The following TNXB variants were observed in gnomAD, a reference collection of about 807,000 sequenced individuals.
The protein encoded by TNXB is tenascin XB, also known as tenascin-X.
A neutral mutation model predicts 340.5 loss-of-function variants in TNXB; 183 were observed. The ratio of observed to expected loss-of-function variants is 0.54; its 90% CI spans 0.48 to 0.61. TNXB has a LOEUF of 0.61. TNXB is among the 20% of genes least tolerant of loss of function. The pLI is 0.00. For synonymous variants in TNXB, 2,121 were observed against 2,314.5 expected (o/e 0.92, Z 2.40); for missense variants, 4,613 against 5,446.4 (o/e 0.85, Z 4.82).
Position 32,047,150 on chromosome 6 carries a change from G to A in TNXB, c.10324+584C>T, listed in dbSNP as rs917622724. Among the ~76,000 whole-genome samples, 2 of 152,216 alleles carry A rather than the reference G, an allele frequency of 1.3e-5. No homozygotes were observed. Among genetic ancestry groups the A allele is most frequent in the African/African-American group, 2.4e-5 (1 of 41,454 alleles). On this transcript the variant is annotated intron_variant, in intron 30 of 43. Coordinates refer to ENST00000644971, the MANE Select transcript of TNXB (RefSeq NM_001365276.2). This position sits in a 1 kb window ranked among gnomAD's most constrained non-coding sequence, Gnocchi z 6.2. ...AGTGAGGGTTTGGGAAGAGAATTAC[G>A]GAGTCCCAGGGACCCAGGCCCAGAC...
intron 24 of TNXB, among the ~76,000 whole-genome samples, chr6:32,055,045 T>C (rs1337819643): frequency 1.3e-5 from 2 of 152,252 alleles, no homozygotes; most frequent in Non-Finnish European, 2.9e-5. Context: ...ATCTGAGTGA[T>C]AGCTGCTTCT....
chr6:32,080,467 C>T lies in TNXB; in HGVS notation c.4042+901G>A, dbSNP rs936994935. On this transcript the variant is annotated intron_variant, in intron 10 of 43. Transcript: ENST00000644971. This position sits in a 1 kb window ranked among gnomAD's most constrained non-coding sequence, Gnocchi z 4.3. ...CCTCGTGATCCACCCGCCTTGGCCT[C>T]CCAAAATGCTGGGATTACAGGCATG... Among the ~76,000 whole-genome samples, 1 of 152,220 alleles carries T rather than the reference C, an allele frequency of 6.6e-6. No homozygotes were observed. Among genetic ancestry groups the T allele is most frequent in the Non-Finnish European group, 1.5e-5 (1 of 68,044 alleles).
At chr6:32,100,882 C>T (rs1780683432) in intron 1 of TNXB, among the ~76,000 whole-genome samples, 1 of 151,664 alleles carries the variant, frequency 6.6e-6, no homozygotes, top group African/African-American at 2.4e-5. Flanking sequence ...GAGTTCAAGA[C>T]CAGCCTGGCC....
At position 32,073,011 on chromosome 6, in the gene TNXB, C is replaced by A. The variant is rs2151920203; in HGVS notation, c.4681+636G>T. ...TAAATATAATGTTTCCTTTGTAATC[C>A]TATACAGCTTATTTTACAGATTTAA... is the stretch of plus-strand genomic sequence containing the variant. On this transcript the variant is annotated intron_variant, in intron 12 of 43. Coordinates refer to ENST00000644971, the MANE Select transcript of TNXB (RefSeq NM_001365276.2). This position sits in a 1 kb window ranked among gnomAD's most constrained non-coding sequence, Gnocchi z 4.6. Among the ~76,000 whole-genome samples, 1 of 152,248 alleles carries A rather than the reference C, an allele frequency of 6.6e-6. No individual in the cohort carries two copies. The highest frequency in any genetic ancestry group is 2.1e-4 in the South Asian group (1 of 4,822).
intron 11 of TNXB, among the ~76,000 whole-genome samples, chr6:32,077,028 A>G (rs1196565598): frequency 6.6e-6 from 1 of 152,212 alleles, no homozygotes; most frequent in Non-Finnish European, 1.5e-5. Context: ...ACAGCTGAGA[A>G]CAGAGGAAGA....
Position 32,069,242 on chromosome 6 carries a change from G to T in TNXB, c.5588-106C>A. 2 of 1,161,420 alleles carry T rather than the reference G, an allele frequency of 1.7e-6. No individual in the cohort carries two copies. The highest frequency in any genetic ancestry group is 1.6e-5 in the South Asian group (1 of 63,688). The allele number at this position is 1,161,420 out of a possible 1,614,324, so 71.9% of individuals were successfully genotyped here. A position where few individuals can be genotyped will look rare whatever the true frequency, so the allele number is the denominator to read the frequency against. On this transcript the variant is annotated intron_variant, in intron 15 of 43. Coordinates refer to ENST00000644971, the MANE Select transcript of TNXB (RefSeq NM_001365276.2). The surrounding 1 kb of genome is among the most constrained non-coding windows in gnomAD (Gnocchi z 6.2). ...GAGTGAGGGCAAGCAGTCAGCAATC[G>T]AAAGACCAGCTTTTGCTGCACATGG... is the stretch of plus-strand genomic sequence containing the variant.
intron 6 of TNXB, 87 bp from the exon 7 acceptor site, chr6:32,086,205 C>A: frequency 7.2e-7 from 1 of 1,390,132 alleles, no homozygotes; most frequent in Non-Finnish European, 9.5e-7. Context: ...GCCCTCCAGC[C>A]TCTAAGAGCC....
chr6:32,093,431 G>C, intron 4 of TNXB: 1 of 701,042 alleles, frequency 1.4e-6, no homozygotes, highest in Admixed American at 2.0e-5. Flanking sequence ...AGAGTGAGGA[G>C]AGGCAGAACA....
rs1211347010 is a variant in TNXB at position 32,090,581 on chromosome 6, A to C, written c.2359-1202T>G. Among the ~76,000 whole-genome samples, 3 of 152,234 alleles carry C rather than the reference A, an allele frequency of 2.0e-5. No homozygotes were observed. Among genetic ancestry groups the C allele is most frequent in the African/African-American group, 7.2e-5 (3 of 41,462 alleles). ...GGAAATTTCAAAAGGTACTCTCCTA[A>C]ACCAAGAGAACTGTGGGGAAATCAA... On this transcript the variant is annotated intron_variant, in intron 4 of 43. Coordinates refer to ENST00000644971, the MANE Select transcript of TNXB (RefSeq NM_001365276.2). The surrounding 1 kb of genome is among the most constrained non-coding windows in gnomAD (Gnocchi z 4.3).
In TNXB at chr6:32,085,967, G is replaced by A; in HGVS notation, c.2931C>T (p.Leu977=). The change falls in exon 7 of 44, where the codon CTC becomes CTT. Residue 977 remains leucine, a synonymous_variant. Transcript: ENST00000644971. The surrounding 1 kb of genome is among the most constrained non-coding windows in gnomAD (Gnocchi z 6.4). ...RVLGRDETGR[L]RVVWTAQPDT... ...CAGGCTGGGCGGTCCAGACCACACGGAGGCGCCCTGTCTCATCTCTGCCCA... is the reference window on the plus strand; with the variant it reads ...CAGGCTGGGCGGTCCAGACCACACGAAGGCGCCCTGTCTCATCTCTGCCCA... The A allele has an allele frequency of 6.2e-7, 1 of 1,608,184 alleles. No homozygotes were observed. Among genetic ancestry groups the A allele is most frequent in the South Asian group, 1.1e-5 (1 of 90,150 alleles).
chr6:32,102,243 T>C (rs1780754414), intron 1 of TNXB, among the ~76,000 whole-genome samples: 1 of 152,320 alleles, frequency 6.6e-6, no homozygotes, highest in East Asian at 1.9e-4. Context: ...TTTGGTAGTA[T>C]CTGCTAAAAC....
At chr6:32,093,155 G>A (rs943483571) in intron 4 of TNXB, 1 of 466,164 alleles carries the variant, frequency 2.1e-6, no homozygotes, top group South Asian at 4.5e-5. Flanking sequence ...CTTCCTTTTC[G>A]AAGTCCCACC....
chr6:32,089,647 C>T lies in TNXB; in HGVS notation c.2359-268G>A, dbSNP rs751295312. Among the ~76,000 whole-genome samples, 4 of 152,192 alleles carry T rather than the reference C, an allele frequency of 2.6e-5. No homozygotes were observed. Among genetic ancestry groups the T allele is most frequent in the Admixed American group, 6.5e-5 (1 of 15,290 alleles). On this transcript the variant is annotated intron_variant, in intron 4 of 43. Transcript: ENST00000644971. The surrounding 1 kb of genome is among the most constrained non-coding windows in gnomAD (Gnocchi z 6.2). ...TAGTCCCATTTTACAGATAAGGAAA[C>T]TGAGACACAGAAGGACAAGTATCTT...
chr6:32,087,196 A>G lies in TNXB; in HGVS notation c.2780-1078T>C, dbSNP rs187015845. The G allele has an allele frequency of 2.2e-3, 1,036 of 471,130 alleles. 3 individuals are homozygous for G. Among genetic ancestry groups the G allele is most frequent in the Non-Finnish European group, 4.0e-3 (933 of 236,090 alleles). 29.2% of individuals were successfully genotyped at this position (471,130 alleles called of 1,614,324 possible). A position where few individuals can be genotyped will look rare whatever the true frequency, so the allele number is the denominator to read the frequency against. On this transcript the variant is annotated intron_variant, in intron 6 of 43. Coordinates refer to ENST00000644971, the MANE Select transcript of TNXB (RefSeq NM_001365276.2). The surrounding 1 kb of genome is among the most constrained non-coding windows in gnomAD (Gnocchi z 9.0). Reference sequence around the variant, plus strand: ...GAGGAATTCATGAATGCAGGCTCCAACGGCAGGTGAGGCTGGACAAGGGAT... The same window carrying G: ...GAGGAATTCATGAATGCAGGCTCCAGCGGCAGGTGAGGCTGGACAAGGGAT...
intron 21 of TNXB, among the ~76,000 whole-genome samples, chr6:32,060,839 A>T (rs1351819235): frequency 2.6e-5 from 4 of 151,976 alleles, no homozygotes; most frequent in Admixed American, 2.0e-4. Flanking sequence ...GGGTTTCACC[A>T]TGTTGGCTAG....
chr6:32,089,351 G>A lies in TNXB; in HGVS notation c.2387C>T (p.Ala796Val), dbSNP rs1424442086. 3.1e-6 allele frequency: 5 copies of A among 1,608,154 alleles called. No individual in the cohort carries two copies. The highest frequency in any genetic ancestry group is 1.1e-5 in the South Asian group (1 of 89,728). Residue 796 changes from alanine (A) to valine (V), a missense_variant, in exon 5 of 44, where the codon GCA becomes GTA. Physicochemically the swap from Ala to Val is moderately conservative, Grantham distance 64 (BLOSUM62 0). Coordinates refer to ENST00000644971, the MANE Select transcript of TNXB (RefSeq NM_001365276.2). The surrounding 1 kb of genome is among the most constrained non-coding windows in gnomAD (Gnocchi z 6.2). ...TTEGASPPFTARVPSSASAYD... is the reference protein window; with the variant it reads ...TTEGASPPFTVRVPSSASAYD... ...GGCTGAGGCAGAGCTTGGAACCCGT[G>A]CTGTGAATGGGGGGCTCGCCCCCTC...
At position 32,069,012 on chromosome 6, in the gene TNXB, A is replaced by C; in HGVS notation, c.5712T>G (p.Thr1904=). ...SHTLHLSWMV[T]EGEFDSFEIQ... ...TTTCGAAGGAGTCAAATTCTCCCTC[A>C]GTCACCATCCAGGAGAGATGCAGGG... Residue 1904 remains threonine, a synonymous_variant, in exon 16 of 44, where the codon ACT becomes ACG. Transcript: ENST00000644971. This position sits in a 1 kb window ranked among gnomAD's most constrained non-coding sequence, Gnocchi z 6.2. The C allele has an allele frequency of 6.2e-7, 1 of 1,612,898 alleles. No homozygotes were observed. The highest frequency in any genetic ancestry group is 8.5e-7 in the Non-Finnish European group (1 of 1,179,886).
chr6:32,050,742 C>T (rs1777239637), intron 26 of TNXB, among the ~76,000 whole-genome samples: 1 of 152,138 alleles, frequency 6.6e-6, no homozygotes, highest in Non-Finnish European at 1.5e-5. Flanking sequence ...TCACCAGCTG[C>T]CAGCAGCCTC....
Position 32,096,308 on chromosome 6 carries a change from G to A in TNXB, c.1545C>T (p.Asn515=), listed in dbSNP as rs1335090409. Residue 515 remains asparagine (N), a synonymous_variant, in exon 3 of 44, where the codon AAC becomes AAT. Transcript: ENST00000644971. ...GRCVDGRCVC[N]PGFTGEDCGS... is the part of the protein sequence containing the mutation. The stretch of plus-strand genomic sequence containing the variant: ...CACAGTCCTCACCGGTGAAGCCCGG[G>A]TTGCACACGCAGCGGCCATCCACGC... 1 of 1,551,226 alleles carries A rather than the reference G, an allele frequency of 6.4e-7. No individual in the cohort carries two copies. Among genetic ancestry groups the A allele is most frequent in the Non-Finnish European group, 8.7e-7 (1 of 1,153,306 alleles).
Sources: gnomAD v4.1 joint callset for allele counts (sites outside exome capture counted in the v4.1 genomes callset) on GRCh38, gnomAD v4.1.1 for gene constraint, Gnocchi (gnomAD v3.1) non-coding constraint, MANE v1.5 for transcripts, NCBI Gene and HGNC (gene_info 2026-07-23, HGNC 2026-07-21) for gene names.